The following DYNAP variants were observed in gnomAD, a reference collection of about 807,000 sequenced individuals.
DYNAP encodes dynactin-associated protein.
A neutral mutation model predicts 8.5 loss-of-function variants in DYNAP; 7 were observed. That is an observed-to-expected ratio of 0.82 (90% CI 0.47 to 1.54). The LOEUF (loss-of-function observed/expected upper bound fraction) is 1.54. Among genes scored for constraint, DYNAP ranks in the 40% most tolerant of loss-of-function variants. The pLI, the probability that DYNAP is intolerant of heterozygous loss-of-function variation, is 0.01. For missense variants in DYNAP, 256 were observed against 224.3 expected, an observed-to-expected ratio of 1.14 and a Z score of -0.90; for synonymous variants, 77 against 77.9, an observed-to-expected ratio of 0.99 and a Z score of 0.06.
At chr18:54,591,476 C>G in intron 1 of DYNAP, 137 bp downstream of exon 1, 1 of 994,178 alleles carries the variant, frequency 1.0e-6, no homozygotes. Context: ...AAGAGCAACC[C>G]TGTATCAATT....
intron 1 of DYNAP, 66 bp downstream of exon 1, chr18:54,591,405 C>T: frequency 2.6e-6 from 4 of 1,523,384 alleles, no homozygotes; most frequent in Non-Finnish European, 3.5e-6. Context: ...CATTTAAAAG[C>T]AGTTTAATCT....
Position 54,597,826 on chromosome 18 carries a change from GC to G in DYNAP, c.238del (p.Arg80AlafsTer15). On this transcript the variant is annotated frameshift_variant, in exon 3 of 3. Coordinates refer to ENST00000648945, the MANE Select transcript of DYNAP (RefSeq NM_173629.3). LOFTEE classifies it low-confidence loss of function (END_TRUNC). Reference protein sequence around the residue: ...ESCNTQVKEYCRNDWSMWKVF... With the variant: ...ESCNTQVKEYXRNDWSMWKVF... ...ATACATGCTTAGGTAAAAGAATATT[GC>G]CGCAATGACTGGTCTATGTGGAAAG... 1 of 1,605,690 alleles carries G rather than the reference GC, an allele frequency of 6.2e-7. No individual in the cohort carries two copies.
intron 2 of DYNAP, among the ~76,000 whole-genome samples, chr18:54,597,223 T>TA (rs969915326): frequency 2.6e-5 from 4 of 151,602 alleles, no homozygotes; most frequent in East Asian, 3.9e-4. Flanking sequence ...GTTCTCACAT[T>TA]AAAAAAAAGG....
At chr18:54,578,079 G>A in the DYNAP span, among the ~76,000 whole-genome samples, 1 of 152,184 alleles carries the variant, frequency 6.6e-6, no homozygotes, top group African/African-American at 2.4e-5. Context: ...CTGCTCAGGA[G>A]CCCTGGATGC....
chr18:54,581,697 A>G, the DYNAP span, among the ~76,000 whole-genome samples: 1 of 152,230 alleles, frequency 6.6e-6, no homozygotes, highest in Admixed American at 6.5e-5. Flanking sequence ...TCTTAATCCA[A>G]TCTATGAAGA....
rs1911227268 is a variant in DYNAP, at chr18:54,594,978, A to C, written c.97A>C (p.Ile33Leu). 6.2e-7 allele frequency: 1 copy of C among 1,612,614 alleles called. No individual in the cohort carries two copies. Among genetic ancestry groups the C allele is most frequent in the South Asian group, 1.1e-5 (1 of 90,948 alleles). ...HPNDQEAHSS[I>L]CWCLPSNDIT... is the part of the protein sequence containing the mutation. ...AAATGACCAAGAGGCTCACAGTTCCATATGCTGGTGTCTACCTTCAAATGA... is the reference window on the plus strand; with the variant it reads ...AAATGACCAAGAGGCTCACAGTTCCCTATGCTGGTGTCTACCTTCAAATGA... Residue 33 changes from isoleucine (I) to leucine (L), a missense_variant, in exon 2 of 3, where the codon ATA (isoleucine) becomes CTA (leucine). Ile to Leu is a conservative substitution (Grantham distance 5). Coordinates refer to ENST00000648945, the MANE Select transcript of DYNAP (RefSeq NM_173629.3).
chr18:54,576,834 ACAACAC>A, the DYNAP span, among the ~76,000 whole-genome samples: 7 of 99,396 alleles, frequency 7.0e-5, no homozygotes, highest in African/African-American at 2.1e-4. Context: ...AACAACAACA[ACAACAC>A]CAAAAAAACC....
intron 1 of DYNAP, among the ~76,000 whole-genome samples, chr18:54,591,660 G>A (rs1911081958): frequency 6.6e-6 from 1 of 151,954 alleles, no homozygotes; most frequent in Non-Finnish European, 1.5e-5. Context: ...TGATGTCAGT[G>A]TTTATTTATT....
chr18:54,589,918 C>A (rs1393276998), upstream of DYNAP, among the ~76,000 whole-genome samples: 1 of 151,904 alleles, frequency 6.6e-6, no homozygotes, highest in Non-Finnish European at 1.5e-5. Context: ...CCATGTTGGT[C>A]CCTTGTACCC....
At chr18:54,594,289 T>C (rs972627890) in intron 1 of DYNAP, among the ~76,000 whole-genome samples, 1 of 152,154 alleles carries the variant, frequency 6.6e-6, no homozygotes, top group Non-Finnish European at 1.5e-5. Context: ...ATTTGTCTTC[T>C]GTGTCACTGC....
chr18:54,591,029 G>A (rs867137188), upstream of DYNAP: 4 of 493,822 alleles, frequency 8.1e-6, no homozygotes, highest in Middle Eastern at 5.4e-4. Context: ...GGTTTTCAGA[G>A]GGAGTAGTCA....
intron 2 of DYNAP, among the ~76,000 whole-genome samples, chr18:54,595,826 C>T (rs923270071): frequency 1.3e-5 from 2 of 152,104 alleles, no homozygotes; most frequent in Non-Finnish European, 2.9e-5. Context: ...GAATTCCTTC[C>T]TTTCGCTGCT....
chr18:54,591,270 T>C lies in DYNAP; in HGVS notation c.-13T>C, dbSNP rs1185910992. The C allele has an allele frequency of 6.2e-7, 1 of 1,612,954 alleles. No homozygotes were observed. The highest frequency in any genetic ancestry group is 1.7e-5 in the Admixed American group (1 of 59,940). On this transcript the variant is annotated 5_prime_UTR_variant, in exon 1 of 3. Transcript: ENST00000648945. ...ATTCTTGGAGAGAAGCTTGTGATAC[T>C]GGCAGCTCAAGAATGGACAGAAAGC...
the DYNAP span, among the ~76,000 whole-genome samples, chr18:54,579,340 A>T: frequency 1.3e-5 from 2 of 152,288 alleles, no homozygotes; most frequent in South Asian, 4.1e-4. Context: ...TTGGTATAGA[A>T]TTCTTGGATC....
At chr18:54,577,313 G>A in the DYNAP span, among the ~76,000 whole-genome samples, 10 of 152,040 alleles carry the variant, frequency 6.6e-5, no homozygotes, top group East Asian at 3.9e-4. Flanking sequence ...GATGCCAGGC[G>A]TGGTGGCTCA....
At chr18:54,576,161 A>G in the DYNAP span, among the ~76,000 whole-genome samples, 1 of 152,172 alleles carries the variant, frequency 6.6e-6, no homozygotes, top group African/African-American at 2.4e-5. Flanking sequence ...TTTATCATTT[A>G]TGGGTATTTG....
chr18:54,593,141 A>G (rs995749066), intron 1 of DYNAP, among the ~76,000 whole-genome samples: 1 of 152,170 alleles, frequency 6.6e-6, no homozygotes, highest in Non-Finnish European at 1.5e-5. Flanking sequence ...TACAGAAAAA[A>G]TTAACTTAGC....
chr18:54,591,333 C>A lies in DYNAP; in HGVS notation c.51C>A (p.Asn17Lys), dbSNP rs1418030632. ...KYILNVEHSENQPPITHPNDQ... is the reference protein window; with the variant it reads ...KYILNVEHSEKQPPITHPNDQ... ...TATTGAACGTTGAGCACTCTGAAAA[C>A]CAGCCGGTGAGTGTCCTTGCTCCAT... The change falls in exon 1 of 3, where the codon AAC (asparagine) becomes AAA (lysine). Residue 17 changes from asparagine (N) to lysine (K), a missense_variant. By Grantham distance (94) the Asn-to-Lys change is moderately conservative. Transcript: ENST00000648945. 1.2e-6 allele frequency: 2 copies of A among 1,606,206 alleles called. No individual in the cohort carries two copies. The highest frequency in any genetic ancestry group is 2.2e-5 in the South Asian group (2 of 89,754).
At chr18:54,576,801 CCAA>C in the DYNAP span, among the ~76,000 whole-genome samples, 2,261 of 149,652 alleles carry the variant, frequency 0.015, 49 homozygotes, top group South Asian at 0.058. Context: ...AGATCTTATC[CCAA>C]CAACAACAAC....
Sources: gnomAD v4.1 joint callset for allele counts (sites outside exome capture counted in the v4.1 genomes callset) on GRCh38, gnomAD v4.1.1 for gene constraint, MANE v1.5 for transcripts, NCBI Gene and HGNC (gene_info 2026-07-23, HGNC 2026-07-21) for gene names.